Variants in RSPH10B2 observed in about 807,000 individuals in gnomAD.
RSPH10B2 encodes radial spoke head 10 homolog B2, also known as radial spoke head 10 homolog B2 (Chlamydomonas).
In RSPH10B2, 9 loss-of-function variants were observed where a neutral mutation model predicts 49.0. The observed-to-expected ratio is 0.18, with a 90% CI of 0.11 to 0.32. RSPH10B2 has a LOEUF of 0.32. RSPH10B2 is among the 10% of genes least tolerant of loss of function. The pLI, the probability that RSPH10B2 is intolerant of heterozygous loss-of-function variation, is 1.00. For synonymous variants in RSPH10B2, 35 were observed against 210.2 expected (o/e 0.17, Z 7.21); for missense variants, 95 against 589.9 (o/e 0.16, Z 8.69).
chr7:6,767,158 A>G (rs1329839598), intron 6 of RSPH10B2, among the ~76,000 whole-genome samples: 1 of 21,564 alleles, frequency 4.6e-5, no homozygotes. Flanking sequence ...TATTTTTAGT[A>G]GAGACGGGGT....
chr7:6,758,398 A>G (rs1436000189), intron 1 of RSPH10B2, among the ~76,000 whole-genome samples: 1 of 147,988 alleles, frequency 6.8e-6, no homozygotes, highest in Non-Finnish European at 1.5e-5. Flanking sequence ...TAGTAAGCCC[A>G]TCACCCAAAT....
At chr7:6,793,126 TGAACTCCTGGATCCAA>T (rs1340397613) in intron 17 of RSPH10B2, among the ~76,000 whole-genome samples, 2 of 105,516 alleles carry the variant, frequency 1.9e-5, no homozygotes, top group Non-Finnish European at 3.7e-5. Flanking sequence ...AGGCTGGTCT[TGAACTCCTGGATCCAA>T]GAACTCCTGG....
intron 17 of RSPH10B2, among the ~76,000 whole-genome samples, chr7:6,796,198 T>TAGTCCC (rs1355612760): frequency 8.6e-6 from 1 of 115,808 alleles, no homozygotes; most frequent in Non-Finnish European, 1.8e-5. Context: ...CGCACGCCTG[T>TAGTCCC]AGCTACTCGG....
At chr7:6,782,041 G>A (rs1349992124) in intron 13 of RSPH10B2, among the ~76,000 whole-genome samples, 2 of 111,442 alleles carry the variant, frequency 1.8e-5, no homozygotes, top group Non-Finnish European at 3.6e-5. Flanking sequence ...AGCCTCCTAA[G>A]TAGCTGGGAT....
At chr7:6,793,608 G>T (rs1260582670) in intron 17 of RSPH10B2, among the ~76,000 whole-genome samples, 4 of 129,654 alleles carry the variant, frequency 3.1e-5, no homozygotes, top group African/African-American at 1.2e-4. Context: ...AACTTTGGGA[G>T]GCCGAGGCAG....
At chr7:6,765,046 G>A (rs1368334056) in intron 4 of RSPH10B2, among the ~76,000 whole-genome samples, 4 of 36,898 alleles carry the variant, frequency 1.1e-4, no homozygotes, top group South Asian at 9.8e-4. Context: ...CATGGAAGGC[G>A]CAACTGTTCA....
chr7:6,766,990 T>A, intron 6 of RSPH10B2, 113 bp downstream of exon 8: 2 of 1,044,306 alleles, frequency 1.9e-6, no homozygotes, highest in South Asian at 3.9e-5. Flanking sequence ...AGACAGAGTC[T>A]CTCTCTGTCT....
upstream of RSPH10B2, chr7:6,753,190 T>TA (rs1252927967): frequency 3.0e-4 from 69 of 230,264 alleles, no homozygotes; most frequent in East Asian, 4.2e-3. Flanking sequence ...GAGGTACCAC[T>TA]AGTCAAGGAT....
In RSPH10B2 at chr7:6,783,336, A is replaced by T. The variant is rs1335216524; in HGVS notation, c.1758+1860A>T. ...TGAGCCACTGTGCCTGGCCTGTTCC[A>T]TGGTACTTTTAATTTGTACTTGTGG... On this transcript the variant is annotated intron_variant, in intron 13 of 18. Transcript: ENST00000297186. Among the ~76,000 whole-genome samples the T allele has an allele frequency of 5.0e-5, 6 of 119,982 alleles. No homozygotes were observed. The East Asian group carries it at 1.6e-3, about 31-fold the overall frequency. The allele number at this position is 119,982 out of a possible 152,430, so 78.7% of individuals were successfully genotyped here.
At chr7:6,793,929 C>T (rs866392526) in intron 17 of RSPH10B2, among the ~76,000 whole-genome samples, 231 of 147,108 alleles carry the variant, frequency 1.6e-3, no homozygotes, top group Middle Eastern at 0.014. Flanking sequence ...TGCTGCTAGG[C>T]ATCTTGGGGG....
intron 7 of RSPH10B2, among the ~76,000 whole-genome samples, chr7:6,770,715 C>T (rs1421661315): frequency 6.6e-6 from 1 of 151,090 alleles, no homozygotes; most frequent in African/African-American, 2.4e-5. Context: ...ACCATCCTGG[C>T]TAACATGGTG....
chr7:6,780,920 C>T lies in RSPH10B2; in HGVS notation c.1609+32C>T, dbSNP rs774136981. 2.8e-5 allele frequency: 40 copies of T among 1,409,362 alleles called. 3 individuals carry two copies. The highest frequency in any genetic ancestry group is 1.5e-4 in the African/African-American group (9 of 58,554). 87.3% of individuals were successfully genotyped at this position (1,409,362 alleles called of 1,614,324 possible). ...ACAAAACCAATAGGATTCTATTTAC[C>T]GCCCCATTTTTTTTTCTCAAAATAT... is the stretch of plus-strand genomic sequence containing the variant. On this transcript the variant is annotated intron_variant, in intron 12 of 18. Coordinates refer to ENST00000297186, the Ensembl canonical transcript of RSPH10B2.
At position 6,781,908 on chromosome 7, in the gene RSPH10B2, TA is replaced by T. The variant is rs1280178647; in HGVS notation, c.1758+433del. Among the ~76,000 whole-genome samples the T allele has an allele frequency of 1.9e-4, 21 of 107,744 alleles. 6 individuals carry two copies. The highest frequency in any genetic ancestry group is 2.4e-4 in the Non-Finnish European group (13 of 54,212). 70.7% of individuals were successfully genotyped at this position (107,744 alleles called of 152,430 possible). On this transcript the variant is annotated intron_variant, in intron 13 of 18. Coordinates refer to ENST00000297186, the Ensembl canonical transcript of RSPH10B2. The stretch of plus-strand genomic sequence containing the variant: ...TAAATATATATATAATAAATATATA[TA>T]TTTTTTTAATTTTATTTTTTTGAGA...
chr7:6,794,112 C>T (rs1011088232), intron 17 of RSPH10B2: 2 of 156,828 alleles, frequency 1.3e-5, no homozygotes, highest in African/African-American at 4.8e-5. Flanking sequence ...GGGCTGTGTA[C>T]ATGCTCACCT....
At chr7:6,756,154 C>T (rs1180623), upstream of RSPH10B2, among the ~76,000 whole-genome samples, 45,302 of 115,926 alleles carry the variant, frequency 0.39, 5,905 homozygotes, top group East Asian at 0.57. Context: ...CCTGTAGTCC[C>T]AGCTACTCAG....
rs115620704 is a variant in RSPH10B2, at chr7:6,781,586, G to C, written c.1758+110G>C. 1.4e-3 allele frequency: 1,732 copies of C among 1,213,940 alleles called. 464 individuals carry two copies. In the African/African-American group the frequency reaches 0.03, roughly 21 times the overall value. The allele number at this position is 1,213,940 out of a possible 1,614,324, so 75.2% of individuals were successfully genotyped here. A position where few individuals can be genotyped will look rare whatever the true frequency, so the allele number is the denominator to read the frequency against. ...ATGCAAATTATCAGGTGAAGATCTG[G>C]GCTGGGTTTTCAGGACCATTAAATG... On this transcript the variant is annotated intron_variant, in intron 13 of 18. Coordinates refer to ENST00000297186, the Ensembl canonical transcript of RSPH10B2.
chr7:6,767,075 C>G (rs1268187083), intron 6 of RSPH10B2, among the ~76,000 whole-genome samples, 198 bp downstream of exon 8: 1 of 61,786 alleles, frequency 1.6e-5, no homozygotes, highest in East Asian at 2.7e-4. Flanking sequence ...AGCAATTCTC[C>G]TGCCTCAGCC....
chr7:6,781,529 A>G lies in RSPH10B2; in HGVS notation c.1758+53A>G. The G allele has an allele frequency of 1.6e-6, 2 of 1,225,762 alleles. 1 individual carries two copies. The highest frequency in any genetic ancestry group is 6.0e-5 in the East Asian group (2 of 33,436). The allele number at this position is 1,225,762 out of a possible 1,614,324, so 75.9% of individuals were successfully genotyped here. A position where few individuals can be genotyped will look rare whatever the true frequency, so the allele number is the denominator to read the frequency against. On this transcript the variant is annotated intron_variant, in intron 13 of 18. Transcript: ENST00000297186. ...TCTATTTACAGGCACTTTGATTTTA[A>G]TTAAAGAAAGGCAGGATATTCCAGC...
intron 17 of RSPH10B2, chr7:6,794,049 AGGCATCTTGGGGGGCTGTGTACATACT>A (rs1194681177): frequency 2.1e-5 from 3 of 141,706 alleles, no homozygotes; most frequent in African/African-American, 8.1e-5. Context: ...CTTTGCTGCT[AGGCATCTTGGGGGGCTGTGTACATACT>A]CACCTTTGCT....
Sources: allele counts gnomAD v4.1 joint callset (sites outside exome capture counted in the v4.1 genomes callset), GRCh38; gene constraint gnomAD v4.1.1; transcripts MANE v1.5; gene names NCBI Gene and HGNC (gene_info 2026-07-23, HGNC 2026-07-21).